The following PHLPP1 variants were observed in gnomAD, a reference collection of about 807,000 sequenced individuals.
The protein encoded by PHLPP1 is PH domain and leucine rich repeat protein phosphatase 1, also known as PH domain leucine-rich repeat-containing protein phosphatase 1.
A neutral mutation model predicts 117.2 loss-of-function variants in PHLPP1; 42 were observed. That is an observed-to-expected ratio of 0.36 (90% CI 0.28 to 0.46). The LOEUF (loss-of-function observed/expected upper bound fraction) is 0.46, where lower values mean the gene tolerates loss of function less well. Among genes scored for constraint, PHLPP1 ranks in the 20% least tolerant of loss-of-function variants. PHLPP1 has a pLI of 1.00. For missense variants in PHLPP1, 2,084 were observed against 2,241.9 expected, an observed-to-expected ratio of 0.93 and a Z score of 1.42; for synonymous variants, 1,042 against 970.7, an observed-to-expected ratio of 1.07 and a Z score of -1.37.
intron 14 of PHLPP1, among the ~76,000 whole-genome samples, chr18:62,967,914 T>C (rs1910949264): frequency 6.6e-6 from 1 of 151,018 alleles, no homozygotes. Flanking sequence ...AACCTCCGCC[T>C]CCCGGGTTCA....
intron 4 of PHLPP1, among the ~76,000 whole-genome samples, chr18:62,863,977 C>T (rs1915700434): frequency 9.8e-6 from 1 of 102,392 alleles, no homozygotes. Context: ...TCCCCCTTCC[C>T]TTTTATTTTT....
intron 1 of PHLPP1, among the ~76,000 whole-genome samples, chr18:62,789,743 A>G (rs1913402641): frequency 6.6e-6 from 1 of 152,046 alleles, no homozygotes; most frequent in African/African-American, 2.4e-5. Context: ...TTTTAGTTCT[A>G]TAGGGCTGGG....
intron 6 of PHLPP1, among the ~76,000 whole-genome samples, chr18:62,902,284 A>G (rs1916742634): frequency 6.6e-6 from 1 of 152,138 alleles, no homozygotes; most frequent in African/African-American, 2.4e-5. Flanking sequence ...TGGATTCTAG[A>G]TGCCGGATTT....
intron 8 of PHLPP1, among the ~76,000 whole-genome samples, chr18:62,912,347 CA>C (rs71340132): frequency 0.085 from 10,708 of 126,018 alleles, 490 homozygotes; most frequent in Non-Finnish European, 0.12. Context: ...CCTGATCCAT[CA>C]AAAAAAAAAT....
At chr18:62,850,111 C>T (rs181754724) in intron 3 of PHLPP1, among the ~76,000 whole-genome samples, 9 of 148,874 alleles carry the variant, frequency 6.0e-5, no homozygotes, top group Admixed American at 2.0e-4. Context: ...CAAAACAGGC[C>T]GGGTGTGGTG....
chr18:62,878,771 C>A (rs899513107), intron 4 of PHLPP1, among the ~76,000 whole-genome samples: 1 of 151,678 alleles, frequency 6.6e-6, no homozygotes, highest in African/African-American at 2.4e-5. Context: ...TATTTATACT[C>A]CTCATATTGT....
At chr18:62,826,388 A>G (rs538315512) in intron 1 of PHLPP1, 1 of 258,428 alleles carries the variant, frequency 3.9e-6, no homozygotes, top group Non-Finnish European at 8.0e-6. Context: ...GCGGAAGTGC[A>G]GGTCTCAGGC....
At chr18:62,934,302 C>A (rs1483674172) in intron 10 of PHLPP1, among the ~76,000 whole-genome samples, 2 of 152,104 alleles carry the variant, frequency 1.3e-5, no homozygotes, top group African/African-American at 4.8e-5. Flanking sequence ...TTCACAATAG[C>A]AAAGTCATGG....
chr18:62,829,417 C>T (rs1003417109), intron 1 of PHLPP1, among the ~76,000 whole-genome samples: 3 of 152,226 alleles, frequency 2.0e-5, no homozygotes, highest in South Asian at 2.1e-4. Flanking sequence ...ATCATGAAGT[C>T]GTTTCAAATG....
intron 1 of PHLPP1, among the ~76,000 whole-genome samples, chr18:62,796,739 G>A (rs1568120222): frequency 6.6e-6 from 1 of 152,162 alleles, no homozygotes; most frequent in East Asian, 1.9e-4. Context: ...ACAAGAGAAA[G>A]CATTTGAGCA....
In PHLPP1 at chr18:62,938,974, T is replaced by TTTTC. The variant is rs71340137; in HGVS notation, c.2961-2724_2961-2721dup. On this transcript the variant is annotated intron_variant, in intron 10 of 16. Transcript: ENST00000262719. ...TCCTAGAGAATTCTATTTTTGTCTT[T>TTTTC]TTTCTTTCTTTCTTTCTTTCTTTTT... is the stretch of plus-strand genomic sequence containing the variant. Among the ~76,000 whole-genome samples the TTTTC allele has an allele frequency of 5.7e-3, 794 of 139,988 alleles. 26 individuals carry two copies. Among genetic ancestry groups the TTTTC allele is most frequent in the South Asian group, 6.8e-3 (30 of 4,426 alleles). The allele number at this position is 139,988 out of a possible 152,430, so 91.8% of individuals were successfully genotyped here.
chr18:62,821,539 A>G (rs1914453409), intron 1 of PHLPP1, among the ~76,000 whole-genome samples: 1 of 126,712 alleles, frequency 7.9e-6, no homozygotes, highest in Non-Finnish European at 1.6e-5. Context: ...ACAGAGTGAG[A>G]CCCTTTATCC....
At chr18:62,768,614 G>A (rs948368709) in intron 1 of PHLPP1, among the ~76,000 whole-genome samples, 1 of 152,172 alleles carries the variant, frequency 6.6e-6, no homozygotes, top group Non-Finnish European at 1.5e-5. Flanking sequence ...ACCTTACCCA[G>A]ATCAAATTTT....
intron 3 of PHLPP1, among the ~76,000 whole-genome samples, chr18:62,853,765 T>C (rs1431878575): frequency 6.6e-6 from 1 of 152,240 alleles, no homozygotes; most frequent in Admixed American, 6.5e-5. Context: ...TCATTGATGG[T>C]CTGGCTAATT....
chr18:62,977,266 A>C (rs1348648630), intron 16 of PHLPP1, among the ~76,000 whole-genome samples: 1 of 152,080 alleles, frequency 6.6e-6, no homozygotes, highest in African/African-American at 2.4e-5. Context: ...CTGGAAAGGA[A>C]ATGGATATTC....
At chr18:62,865,201 T>A (rs1274818286) in intron 4 of PHLPP1, among the ~76,000 whole-genome samples, 4 of 152,134 alleles carry the variant, frequency 2.6e-5, no homozygotes. Flanking sequence ...TAGCACATGC[T>A]TGTAGTCTCA....
In PHLPP1 at chr18:62,976,731, T is replaced by C. The variant is rs1202483188; in HGVS notation, c.3984+1106T>C. Among the ~76,000 whole-genome samples, 9 of 152,340 alleles carry C rather than the reference T, an allele frequency of 5.9e-5. No individual in the cohort carries two copies. In the East Asian group the frequency reaches 1.5e-3, roughly 26 times the overall value. On this transcript the variant is annotated intron_variant, in intron 16 of 16. Transcript: ENST00000262719. ...TTCTTAAGGCCCTCATCAAAGCCTG[T>C]GTGGAGTCAGTCTTTTTTCTCTACT...
At position 62,830,137 on chromosome 18, in the gene PHLPP1, G is replaced by C. The variant is rs746832420; in HGVS notation, c.1679G>C (p.Arg560Pro). Residue 560 changes from arginine to proline, a missense_variant, in exon 2 of 17, where the codon CGC becomes CCC. This residue lies in a region of PHLPP1 where 1,365 missense variants were observed against 1,605.9 expected (regional missense o/e 0.85). Transcript: ENST00000262719. ...MQLPVNRWTR[R>P]QVILCGTCLI... ...TTGCCAGTGAACCGATGGACAAGAC[G>C]CCAAGTCATCCTATGTGGGACCTGC... is the stretch of plus-strand genomic sequence containing the variant. The C allele has an allele frequency of 6.2e-7, 1 of 1,609,610 alleles. No homozygotes were observed. Among genetic ancestry groups the C allele is most frequent in the African/African-American group, 1.3e-5 (1 of 74,860 alleles).
At chr18:62,788,114 CTGTT>C (rs1472226533) in intron 1 of PHLPP1, among the ~76,000 whole-genome samples, 1 of 152,156 alleles carries the variant, frequency 6.6e-6, no homozygotes, top group Non-Finnish European at 1.5e-5. Flanking sequence ...CATTTTCTAT[CTGTT>C]TGAAGCTGTG....
Sources: gnomAD v4.1 joint callset for allele counts (sites outside exome capture counted in the v4.1 genomes callset) on GRCh38, gnomAD v4.1.1 for gene constraint, gnomAD v4.1.1 regional missense constraint, MANE v1.5 for transcripts, NCBI Gene and HGNC (gene_info 2026-07-23, HGNC 2026-07-21) for gene names.